GALNT18: variants seen among roughly 807,000 people sequenced by gnomAD.
The protein encoded by GALNT18 is GalNAc-transferase 18.
In GALNT18, 44 loss-of-function variants were observed where a neutral mutation model predicts 69.5. That is an observed-to-expected ratio of 0.63 (90% CI 0.50 to 0.81). The LOEUF (loss-of-function observed/expected upper bound fraction) is 0.81. GALNT18 is among the 40% of genes least tolerant of loss of function. The pLI, the probability that GALNT18 is intolerant of heterozygous loss-of-function variation, is 0.00. For synonymous variants in GALNT18, 364 were observed against 318.2 expected (o/e 1.14, Z -1.53); for missense variants, 715 against 810.0 (o/e 0.88, Z 1.42).
chr11:11,368,214 T>C (rs1252150382), intron 6 of GALNT18, among the ~76,000 whole-genome samples: 2 of 152,248 alleles, frequency 1.3e-5, no homozygotes, highest in Admixed American at 6.5e-5. Context: ...CATCTATCTT[T>C]TCTCTTTGAC....
chr11:11,298,767 C>T (rs1849443393), intron 9 of GALNT18, among the ~76,000 whole-genome samples: 1 of 152,244 alleles, frequency 6.6e-6, no homozygotes, highest in Non-Finnish European at 1.5e-5. Context: ...AACTGGCTTT[C>T]ATATAACATT....
chr11:11,316,682 C>A (rs980102587), intron 9 of GALNT18, among the ~76,000 whole-genome samples: 2 of 152,198 alleles, frequency 1.3e-5, no homozygotes, highest in African/African-American at 2.4e-5. Flanking sequence ...AAAGCACTCC[C>A]CCAAAAACCC....
Position 11,555,180 on chromosome 11 carries a change from T to A in GALNT18, c.235+66179A>T, listed in dbSNP as rs10741554. ...GATGAGTCCTGCTCAGGATCCCTGA[T>A]GGGCTGCTCAGGGCGGGGGTGCCTA... On this transcript the variant is annotated intron_variant, in intron 1 of 10. Coordinates refer to ENST00000227756, the MANE Select transcript of GALNT18 (RefSeq NM_198516.3). The surrounding 1 kb of genome is among the most constrained non-coding windows in gnomAD (Gnocchi z 4.7). Among the ~76,000 whole-genome samples, 52,435 of 152,124 alleles carry A rather than the reference T, an allele frequency of 0.34. 10,096 individuals carry two copies. The highest frequency in any genetic ancestry group is 0.51 in the East Asian group (2,635 of 5,170).
rs1009332496 is a variant in GALNT18 at position 11,421,288 on chromosome 11, A to C, written c.595+11333T>G. The stretch of plus-strand genomic sequence containing the variant: ...TGCAGGACTAGAGCTGGAGAAATGG[A>C]TTGAGCCCTGGGGCTGGTCCACAAA... On this transcript the variant is annotated intron_variant, in intron 3 of 10. Transcript: ENST00000227756. This position sits in a 1 kb window ranked among gnomAD's most constrained non-coding sequence, Gnocchi z 5.6. Among the ~76,000 whole-genome samples the C allele has an allele frequency of 6.6e-6, 1 of 152,102 alleles. No individual in the cohort carries two copies. The highest frequency in any genetic ancestry group is 2.4e-5 in the African/African-American group (1 of 41,422).
intron 1 of GALNT18, among the ~76,000 whole-genome samples, chr11:11,453,002 G>C (rs1209272090): frequency 6.6e-6 from 1 of 152,180 alleles, no homozygotes; most frequent in African/African-American, 2.4e-5. Flanking sequence ...GGAGGATTCT[G>C]AGCACAACAC....
At chr11:11,455,092 G>A (rs994135729) in intron 1 of GALNT18, among the ~76,000 whole-genome samples, 1 of 152,214 alleles carries the variant, frequency 6.6e-6, no homozygotes, top group South Asian at 2.1e-4. Flanking sequence ...CTCCCTGATA[G>A]CTGTGCTTCC....
chr11:11,589,734 A>G (rs1859309056), intron 1 of GALNT18, among the ~76,000 whole-genome samples: 1 of 152,188 alleles, frequency 6.6e-6, no homozygotes, highest in South Asian at 2.1e-4. Flanking sequence ...AGCACCACAT[A>G]AGCCAGGAGC....
At chr11:11,524,909 C>T (rs1352220752) in intron 1 of GALNT18, among the ~76,000 whole-genome samples, 1 of 152,120 alleles carries the variant, frequency 6.6e-6, no homozygotes, top group Non-Finnish European at 1.5e-5. Context: ...TTAAGGGAAG[C>T]ATAAACACAA....
intron 9 of GALNT18, among the ~76,000 whole-genome samples, chr11:11,306,391 C>G (rs1170514603): frequency 3.4e-5 from 5 of 147,464 alleles, no homozygotes; most frequent in Non-Finnish European, 7.6e-5. Flanking sequence ...AGATGTTAGC[C>G]CAGAAAAAAA....
rs551645891 is a variant in GALNT18, at chr11:11,421,730, TTCTCTGCAGAGTCTCTGCAGAG to T, written c.595+10869_595+10890del. Among the ~76,000 whole-genome samples the T allele has an allele frequency of 1.3e-5, 2 of 151,140 alleles. No homozygotes were observed. The highest frequency in any genetic ancestry group is 4.9e-5 in the African/African-American group (2 of 40,498). ...GCCACCCACTGGGAAGAAACAATAC[TTCTCTGCAGAGTCTCTGCAGAG>T]TCTCTGCAGAGGTCAGGACTGGCCA... On this transcript the variant is annotated intron_variant, in intron 3 of 10. Coordinates refer to ENST00000227756, the MANE Select transcript of GALNT18 (RefSeq NM_198516.3). This position sits in a 1 kb window ranked among gnomAD's most constrained non-coding sequence, Gnocchi z 5.6.
chr11:11,357,402 G>A (rs1019966481), intron 6 of GALNT18, among the ~76,000 whole-genome samples: 42 of 152,172 alleles, frequency 2.8e-4, no homozygotes, highest in African/African-American at 9.4e-4. Context: ...CAATCTCCAA[G>A]GAGTCCCTCT....
At chr11:11,272,894 G>A (rs1469424001) in intron 10 of GALNT18, among the ~76,000 whole-genome samples, 1 of 152,180 alleles carries the variant, frequency 6.6e-6, no homozygotes, top group Non-Finnish European at 1.5e-5. Flanking sequence ...CATTCCCATA[G>A]CAACAACGGA....
At chr11:11,336,584 G>A (rs941969382) in intron 7 of GALNT18, among the ~76,000 whole-genome samples, 14 of 152,202 alleles carry the variant, frequency 9.2e-5, no homozygotes, top group African/African-American at 3.1e-4. Context: ...TTGCAGCTGG[G>A]ATGCTGTAGA....
chr11:11,325,411 G>T (rs1293377095), intron 9 of GALNT18, among the ~76,000 whole-genome samples: 2 of 152,120 alleles, frequency 1.3e-5, no homozygotes, highest in Admixed American at 6.5e-5. Context: ...TGGGTACAGT[G>T]TACACGGCTT....
At chr11:11,429,519 G>T (rs998858977) in intron 3 of GALNT18, among the ~76,000 whole-genome samples, 1 of 152,176 alleles carries the variant, frequency 6.6e-6, no homozygotes, top group Non-Finnish European at 1.5e-5. Flanking sequence ...TCCTGGAAAT[G>T]GGGTAGAACT....
At chr11:11,537,535 A>G (rs1857810624) in intron 1 of GALNT18, among the ~76,000 whole-genome samples, 2 of 152,180 alleles carry the variant, frequency 1.3e-5, no homozygotes, top group African/African-American at 4.8e-5. Context: ...TGCCCAGAGA[A>G]CAGGAGCTTC....
intron 1 of GALNT18, among the ~76,000 whole-genome samples, chr11:11,504,716 C>G (rs1424947113): frequency 6.6e-6 from 1 of 151,940 alleles, no homozygotes; most frequent in African/African-American, 2.4e-5. Flanking sequence ...CATGATCATG[C>G]CACTGCACTT....
At chr11:11,380,885 G>A (rs1162171663) in intron 3 of GALNT18, among the ~76,000 whole-genome samples, 1 of 152,186 alleles carries the variant, frequency 6.6e-6, no homozygotes, top group Admixed American at 6.5e-5. Context: ...AAAGTGATGA[G>A]CATATGGCCT....
chr11:11,278,132 G>T (rs1017476519), intron 10 of GALNT18, among the ~76,000 whole-genome samples: 1 of 152,026 alleles, frequency 6.6e-6, no homozygotes, highest in Non-Finnish European at 1.5e-5. Flanking sequence ...TTGTGTGGGG[G>T]TCTAAGTCTC....
Sources: gnomAD v4.1 joint callset for allele counts (sites outside exome capture counted in the v4.1 genomes callset) on GRCh38, gnomAD v4.1.1 for gene constraint, Gnocchi (gnomAD v3.1) non-coding constraint, MANE v1.5 for transcripts, NCBI Gene and HGNC (gene_info 2026-07-23, HGNC 2026-07-21) for gene names.